Variants in FHL5 observed in about 807,000 individuals in gnomAD.
The protein encoded by FHL5 is four and a half LIM domains protein 5.
Under a neutral mutation model 32.0 loss-of-function variants are expected in FHL5, and 33 were observed. The observed-to-expected ratio is 1.03, with a 90% CI of 0.78 to 1.38. The LOEUF (loss-of-function observed/expected upper bound fraction) is 1.38, where lower values mean the gene tolerates loss of function less well. Among genes scored for constraint, FHL5 ranks in the 40% most tolerant of loss-of-function variants. The pLI is 0.00. For missense variants in FHL5, 336 were observed against 343.9 expected, an observed-to-expected ratio of 0.98 and a Z score of 0.18; for synonymous variants, 114 against 113.6, an observed-to-expected ratio of 1.00 and a Z score of -0.02.
intron 1 of FHL5, among the ~76,000 whole-genome samples, chr6:96,581,672 A>C (rs1000906389): frequency 3.9e-5 from 6 of 152,222 alleles, no homozygotes; most frequent in Non-Finnish European, 5.9e-5. Flanking sequence ...AACGGTGTTA[A>C]GTAGGTGAAT....
rs750817948 is a variant in FHL5 at position 96,605,974 on chromosome 6, C to T, written c.407C>T (p.Pro136Leu). Reference sequence around the variant, plus strand: ...TTTGTGTGTGAGAATTGCCGACAACCTATAGGGACAAAGCCTTTGATCTCC... The same window carrying T: ...TTTGTGTGTGAGAATTGCCGACAACTTATAGGGACAAAGCCTTTGATCTCC... ...TCFVCENCRQ[P>L]IGTKPLISKE... The change falls in exon 4 of 6, where the codon CCT becomes CTT. Residue 136 changes from proline (P) to leucine (L), a missense_variant. Transcript: ENST00000450218. 1.9e-6 allele frequency: 3 copies of T among 1,613,930 alleles called. No homozygotes were observed. Among genetic ancestry groups the T allele is most frequent in the Admixed American group, 1.7e-5 (1 of 60,000 alleles).
In FHL5 at chr6:96,584,943, A is replaced by G. The variant is rs1267931161; in HGVS notation, c.-12-18659A>G. On this transcript the variant is annotated intron_variant, in intron 1 of 5. Coordinates refer to ENST00000450218, the MANE Select transcript of FHL5 (RefSeq NM_001322466.2). ...AATGAAACATTTGCCTTAGGAGACT[A>G]GGTGTATTGTCTAACTATGCACTGC... Among the ~76,000 whole-genome samples, 3 of 151,816 alleles carry G rather than the reference A, an allele frequency of 2.0e-5. 1 individual carries two copies. The South Asian group carries it at 6.3e-4, about 32-fold the overall frequency.
intron 1 of FHL5, among the ~76,000 whole-genome samples, chr6:96,579,165 T>G (rs1770647956): frequency 6.6e-6 from 1 of 152,172 alleles, no homozygotes; most frequent in Non-Finnish European, 1.5e-5. Context: ...GGTACAAAAT[T>G]CCAAAGGTAC....
At chr6:96,593,602 C>T (rs2127968027) in intron 1 of FHL5, among the ~76,000 whole-genome samples, 2 of 152,230 alleles carry the variant, frequency 1.3e-5, no homozygotes, top group East Asian at 3.9e-4. Flanking sequence ...CAATGATAAG[C>T]TTACCAGGCC....
At chr6:96,570,901 T>C (rs1770462612) in intron 1 of FHL5, among the ~76,000 whole-genome samples, 1 of 152,136 alleles carries the variant, frequency 6.6e-6, no homozygotes, top group Admixed American at 6.5e-5. Flanking sequence ...TGAATTTTTT[T>C]CTTATTTTAT....
chr6:96,602,941 G>A (rs1771185804), intron 1 of FHL5, among the ~76,000 whole-genome samples: 1 of 152,108 alleles, frequency 6.6e-6, no homozygotes, highest in South Asian at 2.1e-4. Context: ...GGCCAGTTTG[G>A]TAAAGGACAT....
intron 5 of FHL5, among the ~76,000 whole-genome samples, chr6:96,614,734 C>A (rs534440363): frequency 3.0e-4 from 45 of 152,346 alleles, no homozygotes; most frequent in African/African-American, 1.0e-3. Context: ...CTAACATTTT[C>A]TCCTTTAATG....
intron 1 of FHL5, among the ~76,000 whole-genome samples, chr6:96,587,076 G>A (rs1770814254): frequency 6.6e-6 from 1 of 152,210 alleles, no homozygotes; most frequent in African/African-American, 2.4e-5. Context: ...AGCTTTTTGG[G>A]ATGCTCAGGG....
At position 96,563,294 on chromosome 6, in the gene FHL5, A is replaced by G. The variant is rs1349107315; in HGVS notation, c.-74A>G. On this transcript the variant is annotated 5_prime_UTR_variant, in exon 1 of 6. The change creates a new upstream start codon in the 5' untranslated region. Transcript: ENST00000450218. ...CATGCATGTGGATTGGAGGAAAAAT[A>G]ATCAACATATATTCTCCTTTCGTAC... 6.6e-6 allele frequency: 1 copy of G among 152,174 alleles called. No individual in the cohort carries two copies. The highest frequency in any genetic ancestry group is 1.5e-5 in the Non-Finnish European group (1 of 68,030). 9.4% of individuals were successfully genotyped at this position (152,174 alleles called of 1,614,324 possible).
rs1013117427 is a variant in FHL5 at position 96,606,180 on chromosome 6, C to T, written c.504+109C>T. On this transcript the variant is annotated intron_variant, in intron 4 of 5. Transcript: ENST00000450218. ...TATTATGTTATATCTGTAATCAACA[C>T]ACCCATGGTAGTTTGGACTTTCAAC... 4 of 872,110 alleles carry T rather than the reference C, an allele frequency of 4.6e-6. No individual in the cohort carries two copies. The African/African-American group carries it at 6.8e-5, about 15-fold the overall frequency. The allele number at this position is 872,110 out of a possible 1,614,324, so 54.0% of individuals were successfully genotyped here.
At chr6:96,574,967 A>G (rs1770555023) in intron 1 of FHL5, among the ~76,000 whole-genome samples, 1 of 152,232 alleles carries the variant, frequency 6.6e-6, no homozygotes, top group Non-Finnish European at 1.5e-5. Flanking sequence ...AAGAGAAAAT[A>G]GGTGACAAGT....
At chr6:96,613,229 T>C in intron 5 of FHL5, among the ~76,000 whole-genome samples, 4 of 60,248 alleles carry the variant, frequency 6.6e-5, no homozygotes, top group Admixed American at 5.2e-4. Flanking sequence ...ACAATTTTTA[T>C]TTGTCAATTA....
intron 1 of FHL5, among the ~76,000 whole-genome samples, chr6:96,569,571 G>T (rs1001259893): frequency 6.6e-6 from 1 of 151,790 alleles, no homozygotes; most frequent in Non-Finnish European, 1.5e-5. Context: ...TTCTCCTTTG[G>T]GTTTAATTAT....
intron 2 of FHL5, among the ~76,000 whole-genome samples, chr6:96,604,528 T>C (rs1771228670): frequency 6.6e-6 from 1 of 152,120 alleles, no homozygotes; most frequent in Admixed American, 6.5e-5. Flanking sequence ...ATTTGTTTTT[T>C]CCCAGCTGCC....
rs774343800 is a variant in FHL5 at position 96,606,042 on chromosome 6, T to G, written c.475T>G (p.Phe159Val). 6.2e-7 allele frequency: 1 copy of G among 1,614,036 alleles called. No homozygotes were observed. Among genetic ancestry groups the G allele is most frequent in the South Asian group, 1.1e-5 (1 of 91,070 alleles). ...TTGTGTGCCATGTTTTGAGAAGGAGTTTGCTCACTACTGCAACTTTTGTAA... is the reference window on the plus strand; with the variant it reads ...TTGTGTGCCATGTTTTGAGAAGGAGGTTGCTCACTACTGCAACTTTTGTAA... ...NYCVPCFEKE[F>V]AHYCNFCKKV... is the part of the protein sequence containing the mutation. The change falls in exon 4 of 6, where the codon TTT becomes GTT. Residue 159 changes from phenylalanine (F) to valine (V), a missense_variant. By Grantham distance (50) the Phe-to-Val change is conservative. Coordinates refer to ENST00000450218, the MANE Select transcript of FHL5 (RefSeq NM_001322466.2).
intron 1 of FHL5, among the ~76,000 whole-genome samples, chr6:96,600,372 C>T (rs1771123409): frequency 6.6e-6 from 1 of 152,294 alleles, no homozygotes; most frequent in Non-Finnish European, 1.5e-5. Context: ...CACGACTCAA[C>T]ATTTCCCATC....
intron 5 of FHL5, among the ~76,000 whole-genome samples, chr6:96,614,642 A>G (rs1322431952): frequency 6.6e-6 from 1 of 152,162 alleles, no homozygotes; most frequent in African/African-American, 2.4e-5. Context: ...ATGATAAGCA[A>G]ATAATAGCAC....
intron 1 of FHL5, among the ~76,000 whole-genome samples, chr6:96,601,040 T>C (rs1771136351): frequency 6.6e-6 from 1 of 152,122 alleles, no homozygotes; most frequent in Non-Finnish European, 1.5e-5. Context: ...AGAAGTGAAT[T>C]TCTTCTTTCC....
intron 5 of FHL5, among the ~76,000 whole-genome samples, chr6:96,614,082 A>C (rs534567478): frequency 2.2e-4 from 34 of 152,338 alleles, no homozygotes; most frequent in African/African-American, 7.9e-4. Context: ...GTTTACATAC[A>C]TCTCACATGT....
Sources: allele counts gnomAD v4.1 joint callset (sites outside exome capture counted in the v4.1 genomes callset), GRCh38; gene constraint gnomAD v4.1.1; transcripts MANE v1.5; gene names NCBI Gene and HGNC (gene_info 2026-07-23, HGNC 2026-07-21).